Variants in CTNNBL1 observed in about 807,000 individuals in gnomAD.
CTNNBL1 encodes catenin beta like 1.
In CTNNBL1, 31 loss-of-function variants were observed where a neutral mutation model predicts 72.7. The ratio of observed to expected loss-of-function variants is 0.43; its 90% CI spans 0.32 to 0.58. The LOEUF is 0.58. Among genes scored for constraint, CTNNBL1 ranks in the 20% least tolerant of loss-of-function variants. The pLI, the probability that CTNNBL1 is intolerant of heterozygous loss-of-function variation, is 0.08. For missense variants in CTNNBL1, 534 were observed against 725.1 expected (o/e 0.74, Z 3.03); for synonymous variants, 240 against 267.3 (o/e 0.90, Z 1.00).
chr20:37,731,088 T>C (rs2073123924), intron 1 of CTNNBL1, among the ~76,000 whole-genome samples: 1 of 152,218 alleles, frequency 6.6e-6, no homozygotes, highest in South Asian at 2.1e-4. Context: ...ATCAGGCTAA[T>C]TAACAAATCT....
rs1411740400 is a variant in CTNNBL1 at position 37,768,001 on chromosome 20, G to T, written c.707G>T (p.Gly236Val). 3.1e-6 allele frequency: 5 copies of T among 1,614,050 alleles called. No individual in the cohort carries two copies. Among genetic ancestry groups the T allele is most frequent in the Non-Finnish European group, 4.2e-6 (5 of 1,179,970 alleles). Reference sequence around the variant, plus strand: ...TTCCGGCCTGAGATGTGTACAGAGGGTGCCCAGCAGGGTCTTCTACAGTGG... The same window carrying T: ...TTCCGGCCTGAGATGTGTACAGAGGTTGCCCAGCAGGGTCTTCTACAGTGG... The part of the protein sequence containing the change: ...AEFRPEMCTE[G>V]AQQGLLQWLL... The change falls in exon 7 of 16, where the codon GGT (glycine) becomes GTT (valine). Residue 236 changes from glycine (G) to valine (V), a missense_variant. Gly to Val is a moderately radical substitution (Grantham distance 109). Transcript: ENST00000361383.
chr20:37,868,652 G>T (rs955879174), intron 15 of CTNNBL1, among the ~76,000 whole-genome samples: 2 of 152,158 alleles, frequency 1.3e-5, no homozygotes, highest in Admixed American at 1.3e-4. Context: ...GGAGACTTGC[G>T]CATAGGATGG....
intron 2 of CTNNBL1, among the ~76,000 whole-genome samples, chr20:37,736,411 G>T (rs2073172022): frequency 6.6e-6 from 1 of 152,152 alleles, no homozygotes; most frequent in Admixed American, 6.5e-5. Flanking sequence ...TTTTAAACCT[G>T]TCAGTCTTAT....
intron 11 of CTNNBL1, among the ~76,000 whole-genome samples, chr20:37,828,214 A>G (rs2072177319): frequency 6.6e-6 from 1 of 152,174 alleles, no homozygotes; most frequent in Admixed American, 6.6e-5. Context: ...TGAGTTTACC[A>G]TCTATTGAGA....
intron 4 of CTNNBL1, among the ~76,000 whole-genome samples, chr20:37,749,408 G>C (rs1255738718): frequency 2.0e-5 from 3 of 152,156 alleles, no homozygotes; most frequent in African/African-American, 7.2e-5. Context: ...CTCGACATCG[G>C]CATATTTGGG....
intron 11 of CTNNBL1, among the ~76,000 whole-genome samples, chr20:37,805,176 G>A (rs893665527): frequency 6.6e-6 from 1 of 152,238 alleles, no homozygotes; most frequent in Non-Finnish European, 1.5e-5. Flanking sequence ...TGTGCTCTTT[G>A]TTGGCCTCCG....
intron 2 of CTNNBL1, among the ~76,000 whole-genome samples, chr20:37,733,302 G>A (rs987455007): frequency 1.3e-5 from 2 of 152,146 alleles, no homozygotes; most frequent in Non-Finnish European, 2.9e-5. Context: ...GTACTGTAGG[G>A]GAGGGTCAGG....
At chr20:37,845,641 GACTTAGA>G (rs1174206214) in intron 13 of CTNNBL1, among the ~76,000 whole-genome samples, 2 of 152,182 alleles carry the variant, frequency 1.3e-5, no homozygotes, top group African/African-American at 4.8e-5. Flanking sequence ...GGTGTAAAGT[GACTTAGA>G]ACAATACGAC....
chr20:37,726,609 T>C (rs1457857305), intron 1 of CTNNBL1, among the ~76,000 whole-genome samples: 2 of 152,238 alleles, frequency 1.3e-5, no homozygotes, highest in Non-Finnish European at 2.9e-5. Context: ...ATGCCCCATT[T>C]GGAAGATCAT....
intron 15 of CTNNBL1, among the ~76,000 whole-genome samples, chr20:37,861,401 C>T (rs1339611094): frequency 2.0e-5 from 3 of 152,174 alleles, no homozygotes; most frequent in Non-Finnish European, 4.4e-5. Context: ...AACTGGAGAG[C>T]GCTGGCTGGT....
At chr20:37,776,750 G>A (rs2073577363) in intron 7 of CTNNBL1, among the ~76,000 whole-genome samples, 1 of 152,152 alleles carries the variant, frequency 6.6e-6, no homozygotes, top group African/African-American at 2.4e-5. Flanking sequence ...TAATTTGGGT[G>A]TTAAAATATT....
chr20:37,802,876 G>A lies in CTNNBL1; in HGVS notation c.1041G>A (p.Lys347=), dbSNP rs1323937094. 1.7e-5 allele frequency: 27 copies of A among 1,608,730 alleles called. No homozygotes were observed. In the East Asian group the frequency reaches 5.8e-4, roughly 35 times the overall value. ...QLMNLMLREK[K]ISRSSALKVL... Reference sequence around the variant, plus strand: ...CCTCTTTTGTTCACAGGGAAAAGAAGATCTCCCGGAGCAGTGCCCTGAAAG... The same window carrying A: ...CCTCTTTTGTTCACAGGGAAAAGAAAATCTCCCGGAGCAGTGCCCTGAAAG... Residue 347 remains lysine (K), a synonymous_variant, in exon 11 of 16, where the codon AAG becomes AAA. Transcript: ENST00000361383.
chr20:37,864,482 C>G (rs188491976), intron 15 of CTNNBL1, among the ~76,000 whole-genome samples: 89 of 152,236 alleles, frequency 5.8e-4, no homozygotes, highest in African/African-American at 2.1e-3. Flanking sequence ...TTTCAGCCCC[C>G]ACTCTCACAA....
At chr20:37,862,355 G>T (rs923300806) in intron 15 of CTNNBL1, among the ~76,000 whole-genome samples, 19 of 152,206 alleles carry the variant, frequency 1.2e-4, no homozygotes, top group South Asian at 4.1e-4. Flanking sequence ...CCTTCTCCCT[G>T]CACCTCCATC....
At chr20:37,740,409 G>A (rs531704087) in intron 3 of CTNNBL1, among the ~76,000 whole-genome samples, 3 of 152,014 alleles carry the variant, frequency 2.0e-5, no homozygotes, top group Non-Finnish European at 4.4e-5. Flanking sequence ...CATTTTGATC[G>A]CATACCCAAA....
rs542406317 is a variant in CTNNBL1, at chr20:37,719,948, C to T, written c.31-12931C>T. The stretch of plus-strand genomic sequence containing the variant: ...CTTGATCTCCTGGGCTCTAGCAGTC[C>T]TCCCATCTCAGCCTTCTGAGTAGCT... On this transcript the variant is annotated intron_variant, in intron 1 of 15. Transcript: ENST00000361383. 2.0e-4 allele frequency among the ~76,000 whole-genome samples: 31 copies of T among 151,568 alleles called. No homozygotes were observed. In the South Asian group the frequency reaches 6.5e-3, roughly 32 times the overall value.
chr20:37,849,111 C>T (rs1262732206), intron 13 of CTNNBL1, among the ~76,000 whole-genome samples: 4 of 152,198 alleles, frequency 2.6e-5, no homozygotes, highest in Admixed American at 6.5e-5. Flanking sequence ...AGCCTATCCA[C>T]TTTTCTCTCT....
intron 11 of CTNNBL1, among the ~76,000 whole-genome samples, chr20:37,819,547 G>A (rs915542972): frequency 6.6e-6 from 1 of 152,140 alleles, no homozygotes; most frequent in African/African-American, 2.4e-5. Flanking sequence ...CTATTTTATT[G>A]TGGAAAGTGG....
intron 1 of CTNNBL1, among the ~76,000 whole-genome samples, chr20:37,718,416 A>AC (rs1357763454): frequency 1.8e-4 from 19 of 106,086 alleles, no homozygotes; most frequent in Non-Finnish European, 2.6e-4. Flanking sequence ...CGGGGGGCTG[A>AC]CCCCCCCACC....
Sources: allele counts gnomAD v4.1 joint callset (sites outside exome capture counted in the v4.1 genomes callset), GRCh38; gene constraint gnomAD v4.1.1; transcripts MANE v1.5; gene names NCBI Gene and HGNC (gene_info 2026-07-23, HGNC 2026-07-21).